Variants in SIL1 observed in about 807,000 individuals in gnomAD.
SIL1 encodes the protein nucleotide exchange factor SIL1.
SIL1 carries 40 observed loss-of-function variants against 49.1 expected under a neutral mutation model. The observed-to-expected ratio is 0.81, with a 90% CI of 0.63 to 1.06. SIL1 has a LOEUF of 1.06. Ranked by LOEUF, SIL1 falls within the 50% of genes least tolerant of loss-of-function variation. SIL1 has a pLI of 0.00. For missense variants in SIL1, 500 were observed against 572.6 expected (o/e 0.87, Z 1.29); for synonymous variants, 253 against 250.8 (o/e 1.01, Z -0.08).
intron 7 of SIL1, among the ~76,000 whole-genome samples, chr5:138,982,664 A>G (rs1388958755): frequency 1.3e-5 from 2 of 152,250 alleles, no homozygotes; most frequent in Admixed American, 6.5e-5. Flanking sequence ...TGTACAAGTC[A>G]GTGGGATGCC....
chr5:138,976,754 CT>C (rs1767402081), intron 7 of SIL1, among the ~76,000 whole-genome samples: 4 of 152,092 alleles, frequency 2.6e-5, no homozygotes. Context: ...ATAATTTCAA[CT>C]TTCTATATTA....
At chr5:139,181,521 G>A (rs910072511) in intron 1 of SIL1, among the ~76,000 whole-genome samples, 4 of 152,210 alleles carry the variant, frequency 2.6e-5, no homozygotes, top group African/African-American at 9.6e-5. Context: ...TTCCTCCACT[G>A]GGAGTTCTCA....
chr5:139,097,002 G>A (rs982735675), intron 3 of SIL1, among the ~76,000 whole-genome samples: 2 of 152,158 alleles, frequency 1.3e-5, no homozygotes, highest in East Asian at 1.9e-4. Context: ...TTTACCACAA[G>A]CTGACTTAAG....
intron 5 of SIL1, among the ~76,000 whole-genome samples, chr5:139,041,604 G>C (rs112607749): frequency 4.6e-5 from 7 of 152,068 alleles, no homozygotes; most frequent in African/African-American, 1.7e-4. Context: ...AGGAGTTCGA[G>C]AGCAACCTGG....
intron 9 of SIL1, among the ~76,000 whole-genome samples, chr5:138,949,405 A>C (rs1443591504): frequency 6.6e-6 from 1 of 152,184 alleles, no homozygotes; most frequent in Non-Finnish European, 1.5e-5. Flanking sequence ...TCATGACAAC[A>C]TGCTGCAGTG....
chr5:139,138,525 C>A (rs1300627592), intron 1 of SIL1, among the ~76,000 whole-genome samples: 1 of 152,204 alleles, frequency 6.6e-6, no homozygotes, highest in African/African-American at 2.4e-5. Flanking sequence ...TCCCTTCCAA[C>A]CCACTACAGT....
At chr5:139,155,289 T>G (rs1751383880) in intron 1 of SIL1, 1 of 152,210 alleles carries the variant, frequency 6.6e-6, no homozygotes, top group East Asian at 1.9e-4. Flanking sequence ...TACCACAGAC[T>G]GATGGCTTCA....
At chr5:139,130,231 C>T (rs1400779827) in intron 1 of SIL1, among the ~76,000 whole-genome samples, 1 of 152,046 alleles carries the variant, frequency 6.6e-6, no homozygotes. Context: ...CCTCAGTGAG[C>T]TATGATAATG....
chr5:139,176,720 A>G (rs1751890510), intron 1 of SIL1, among the ~76,000 whole-genome samples: 1 of 151,966 alleles, frequency 6.6e-6, no homozygotes, highest in African/African-American at 2.4e-5. Context: ...CACTAATCCT[A>G]TTCATGAGGG....
Position 138,952,584 on chromosome 5 carries a change from C to T in SIL1, c.768-700G>A, listed in dbSNP as rs1766806821. Among the ~76,000 whole-genome samples, 5 of 152,340 alleles carry T rather than the reference C, an allele frequency of 3.3e-5. No individual in the cohort carries two copies. In the South Asian group the frequency reaches 1.0e-3, roughly 32 times the overall value. ...GCCTGCCACGTCACAGGTCCCTGGA[C>T]AGTAGGGAATGAATGAACGACTGAA... On this transcript the variant is annotated intron_variant, in intron 7 of 9. Transcript: ENST00000394817.
intron 7 of SIL1, among the ~76,000 whole-genome samples, chr5:138,991,818 C>T (rs953886390): frequency 1.3e-5 from 2 of 152,220 alleles, no homozygotes; most frequent in African/African-American, 2.4e-5. Context: ...AGAAGGTTCC[C>T]CATCTATGTC....
chr5:139,082,845 A>G (rs975367946), intron 3 of SIL1, among the ~76,000 whole-genome samples: 12 of 152,236 alleles, frequency 7.9e-5, no homozygotes, highest in Non-Finnish European at 1.5e-4. Context: ...CTAGTCAGGA[A>G]GCTGATCATG....
chr5:139,060,072 A>G (rs1357790811), intron 3 of SIL1, among the ~76,000 whole-genome samples: 2 of 152,170 alleles, frequency 1.3e-5, no homozygotes, highest in Non-Finnish European at 1.5e-5. Flanking sequence ...TCCCTGTCCA[A>G]TTCATTAAGG....
At chr5:138,973,374 A>G (rs1458541218) in intron 7 of SIL1, among the ~76,000 whole-genome samples, 2 of 152,038 alleles carry the variant, frequency 1.3e-5, no homozygotes, top group Non-Finnish European at 2.9e-5. Flanking sequence ...AGTTCATGGT[A>G]AAGAAAAAAA....
At position 139,127,784 on chromosome 5, in the gene SIL1, C is replaced by T. The variant is rs377376002; in HGVS notation, c.60G>A (p.Leu20=). ...RMAPLGMLLG[L]LMAACFTFCL... ...AGAAGGTGAAGCAGGCGGCCATCAG[C>T]AGCCCAAGCAGCATGCCCAGAGGAG... The change falls in exon 2 of 10, where the codon CTG becomes CTA. Residue 20 remains leucine (L), a synonymous_variant. Coordinates refer to ENST00000394817, the MANE Select transcript of SIL1 (RefSeq NM_022464.5). 13 of 1,610,832 alleles carry T rather than the reference C, an allele frequency of 8.1e-6. No homozygotes were observed. The highest frequency in any genetic ancestry group is 1.1e-5 in the Non-Finnish European group (13 of 1,179,380).
At chr5:139,197,378 C>T (rs1043811640) in intron 1 of SIL1, among the ~76,000 whole-genome samples, 2 of 151,906 alleles carry the variant, frequency 1.3e-5, no homozygotes, top group Non-Finnish European at 2.9e-5. Flanking sequence ...TTAACTTAAC[C>T]CCCGCCCCAT....
chr5:139,192,880 C>T (rs1475905925), intron 1 of SIL1, among the ~76,000 whole-genome samples: 1 of 151,152 alleles, frequency 6.6e-6, no homozygotes, highest in Non-Finnish European at 1.5e-5. Context: ...GCCTGTAGTA[C>T]CAGCTACTCA....
At chr5:139,119,845 C>T (rs1019855973) in intron 3 of SIL1, among the ~76,000 whole-genome samples, 3 of 152,208 alleles carry the variant, frequency 2.0e-5, no homozygotes, top group Non-Finnish European at 2.9e-5. Flanking sequence ...CCCCTGACAG[C>T]CTCTGGTTTT....
intron 7 of SIL1, among the ~76,000 whole-genome samples, chr5:138,999,905 A>G (rs190194096): frequency 2.9e-3 from 447 of 152,302 alleles, no homozygotes; most frequent in Non-Finnish European, 4.8e-3. Flanking sequence ...AAAAGAAAAA[A>G]GTTCACTTTG....
Sources: gnomAD v4.1 joint callset for allele counts (sites outside exome capture counted in the v4.1 genomes callset) on GRCh38, gnomAD v4.1.1 for gene constraint, MANE v1.5 for transcripts, NCBI Gene and HGNC (gene_info 2026-07-23, HGNC 2026-07-21) for gene names.